The following SPDYE16 variants were observed in gnomAD, a reference collection of about 807,000 sequenced individuals.
SPDYE16 encodes the protein speedy/RINGO cell cycle regulator family member E16, also known as speedy protein E16.
SPDYE16 carries 5 observed loss-of-function variants against 40.1 expected under a neutral mutation model. That is an observed-to-expected ratio of 0.12 (90% CI 0.07 to 0.26). The LOEUF is 0.26. SPDYE16 is among the 10% of genes least tolerant of loss of function. The probability of loss-of-function intolerance (pLI) is 1.00; values close to 1 mark genes in which losing one functional copy is unlikely to be tolerated. For synonymous variants in SPDYE16, 40 were observed against 154.2 expected, an observed-to-expected ratio of 0.26 and a Z score of 5.49; for missense variants, 98 against 409.8, an observed-to-expected ratio of 0.24 and a Z score of 6.57.
intron 1 of SPDYE16, among the ~76,000 whole-genome samples, 63 bp downstream of exon 1, chr7:76,543,113 C>T (rs3869212): frequency 6.7e-6 from 1 of 148,618 alleles, no homozygotes; most frequent in Middle Eastern, 3.3e-3. Flanking sequence ...GAGCCAAGAT[C>T]GCACCATTGT....
At position 76,541,604 on chromosome 7, in the gene SPDYE16, A is replaced by G. The variant is rs1289052820; in HGVS notation, c.-145T>C. The G allele has an allele frequency of 5.1e-6, 7 of 1,384,118 alleles. No individual in the cohort carries two copies. Among genetic ancestry groups the G allele is most frequent in the Non-Finnish European group, 6.7e-6 (7 of 1,049,472 alleles). The allele number at this position is 1,384,118 out of a possible 1,614,324, so 85.7% of individuals were successfully genotyped here. A position where few individuals can be genotyped will look rare whatever the true frequency, so the allele number is the denominator to read the frequency against. ...ACCACGGAGTCCGGTCCCTCCAATC[A>G]GGAAGGTCGGAATCTCTGATGTCAT... On this transcript the variant is annotated 5_prime_UTR_variant, in exon 2 of 9. Transcript: ENST00000633306.
chr7:76,542,932 G>T (rs1353958018), intron 1 of SPDYE16, among the ~76,000 whole-genome samples: 28 of 151,716 alleles, frequency 1.8e-4, no homozygotes, highest in African/African-American at 6.5e-4. Flanking sequence ...GCCAAAGTGG[G>T]TGGATCACTT....
At chr7:76,533,568 G>A (rs1420026064) in intron 8 of SPDYE16, 81 bp downstream of exon 8, 1 of 913,304 alleles carries the variant, frequency 1.1e-6, no homozygotes, top group Non-Finnish European at 1.4e-6. Flanking sequence ...CAGGCTTGAA[G>A]CCGGATCAAG....
chr7:76,540,337 AC>A lies in SPDYE16; in HGVS notation c.169del (p.Val57Ter). 6.3e-7 allele frequency: 1 copy of A among 1,590,480 alleles called. No homozygotes were observed. Among genetic ancestry groups the A allele is most frequent in the South Asian group, 1.1e-5 (1 of 90,368 alleles). On this transcript the variant is annotated frameshift_variant, in exon 3 of 9. Transcript: ENST00000633306. LOFTEE classifies it high-confidence loss of function. ...DEVLGSSAPG[V>X]DPSPPCRSLG... ...GGACCTACATGGGGGGCTGGGATCT[AC>A]CCCAGGGGCTGAGTAAAGAAACCAG...
In SPDYE16 at chr7:76,541,573, C is replaced by T; in HGVS notation, c.-114G>A. 1 of 1,478,958 alleles carries T rather than the reference C, an allele frequency of 6.8e-7. No homozygotes were observed. The allele number at this position is 1,478,958 out of a possible 1,614,324, so 91.6% of individuals were successfully genotyped here. A position where few individuals can be genotyped will look rare whatever the true frequency, so the allele number is the denominator to read the frequency against. On this transcript the variant is annotated 5_prime_UTR_variant, in exon 2 of 9. The change creates a premature stop within an existing upstream ORF in the 5' untranslated region. Coordinates refer to ENST00000633306, the MANE Select transcript of SPDYE16 (RefSeq NM_001394943.1). Reference sequence around the variant, plus strand: ...GAAGATACTGTTGTCCAACTGATCTCCAGGCACCACGGAGTCCGGTCCCTC... The same window carrying T: ...GAAGATACTGTTGTCCAACTGATCTTCAGGCACCACGGAGTCCGGTCCCTC...
rs1164285931 is a variant in SPDYE16, at chr7:76,534,225, C to G, written c.756-106G>C. 1.3e-3 allele frequency: 1,583 copies of G among 1,207,162 alleles called. 7 individuals are homozygous for G. The highest frequency in any genetic ancestry group is 5.3e-3 in the Middle Eastern group (18 of 3,366). 74.8% of individuals were successfully genotyped at this position (1,207,162 alleles called of 1,614,324 possible). A position where few individuals can be genotyped will look rare whatever the true frequency, so the allele number is the denominator to read the frequency against. ...GTAAGGGACCGTCCCTAGCTCAGGA[C>G]TGGCACCCACCCTGCAGAGAGCCAC... is the stretch of plus-strand genomic sequence containing the variant. On this transcript the variant is annotated intron_variant, in intron 6 of 8. Coordinates refer to ENST00000633306, the MANE Select transcript of SPDYE16 (RefSeq NM_001394943.1).
At position 76,541,406 on chromosome 7, in the gene SPDYE16, G is replaced by A. The variant is rs1281783527; in HGVS notation, c.54C>T (p.Ile18=). 8.5e-6 allele frequency: 13 copies of A among 1,534,662 alleles called. No individual in the cohort carries two copies. Among genetic ancestry groups the A allele is most frequent in the Non-Finnish European group, 3.5e-6 (4 of 1,146,618 alleles). ...GGGGGTGAGGTTGACGGCTGGTCGT[G>A]ATCTTTCCCTTAATCTGTCCCCTCT... ...FRKRGQIKGK[I]TTSRQPHPQN... is the part of the protein sequence containing the mutation. The change falls in exon 2 of 9, where the codon ATC becomes ATT. Residue 18 remains isoleucine (I), a synonymous_variant. Transcript: ENST00000633306.
intron 4 of SPDYE16, 87 bp downstream of exon 4, chr7:76,538,499 T>C (rs1235345254): frequency 1.2e-6 from 1 of 809,978 alleles, no homozygotes; most frequent in African/African-American, 2.3e-5. Context: ...TGGGGCATAT[T>C]TTTCCCATTG....
In SPDYE16 at chr7:76,541,404, G is replaced by T. The variant is rs1223358254; in HGVS notation, c.56C>A (p.Thr19Lys). The stretch of plus-strand genomic sequence containing the variant: ...CTGGGGGTGAGGTTGACGGCTGGTC[G>T]TGATCTTTCCCTTAATCTGTCCCCT... ...RKRGQIKGKI[T>K]TSRQPHPQNE... The change falls in exon 2 of 9, where the codon ACG becomes AAG. Residue 19 changes from threonine to lysine, a missense_variant. Coordinates refer to ENST00000633306, the MANE Select transcript of SPDYE16 (RefSeq NM_001394943.1). 8.5e-6 allele frequency: 13 copies of T among 1,534,632 alleles called. No individual in the cohort carries two copies. Among genetic ancestry groups the T allele is most frequent in the Non-Finnish European group, 1.1e-5 (13 of 1,146,608 alleles).
In SPDYE16 at chr7:76,540,620, C is replaced by T; in HGVS notation, c.161-274G>A. Reference sequence around the variant, plus strand: ...TTTTTTGTTTTGTTTTGTTTTGACACAGAATCTTGCTTTGTCACCCAGGCT... The same window carrying T: ...TTTTTTGTTTTGTTTTGTTTTGACATAGAATCTTGCTTTGTCACCCAGGCT... On this transcript the variant is annotated intron_variant, in intron 2 of 8. Transcript: ENST00000633306. 4.7e-6 allele frequency: 5 copies of T among 1,074,898 alleles called. 2 individuals are homozygous for T. Among genetic ancestry groups the T allele is most frequent in the Non-Finnish European group, 5.9e-6 (5 of 843,006 alleles). 66.6% of individuals were successfully genotyped at this position (1,074,898 alleles called of 1,614,324 possible).
chr7:76,542,091 A>T (rs1282414271), intron 1 of SPDYE16, among the ~76,000 whole-genome samples: 3 of 152,154 alleles, frequency 2.0e-5, no homozygotes, highest in Non-Finnish European at 4.4e-5. Context: ...TATCATGTAC[A>T]AGAGTGAGAT....
chr7:76,542,826 TAA>T (rs1308180716), intron 1 of SPDYE16, among the ~76,000 whole-genome samples: 1 of 148,584 alleles, frequency 6.7e-6, no homozygotes, highest in Non-Finnish European at 1.5e-5. Flanking sequence ...TGATAAAAAA[TAA>T]AAGAGTTACA....
At chr7:76,535,728 A>C (rs1813026797) in intron 6 of SPDYE16, among the ~76,000 whole-genome samples, 1 of 56,144 alleles carries the variant, frequency 1.8e-5, no homozygotes, top group Admixed American at 1.7e-4. Flanking sequence ...TTTTGAGAAA[A>C]AGTCTCACTC....
chr7:76,541,278 C>T (rs1337330026), intron 2 of SPDYE16, 22 bp downstream of exon 2: 84 of 1,533,300 alleles, frequency 5.5e-5, no homozygotes, highest in East Asian at 2.2e-4. Context: ...TATCCCACCT[C>T]TTCTTCCACC....
intron 2 of SPDYE16, chr7:76,540,552 T>G: frequency 8.3e-7 from 1 of 1,210,718 alleles, no homozygotes; most frequent in Non-Finnish European, 1.1e-6. Context: ...CTCCGAACAC[T>G]GCTTCATGTC....
At chr7:76,542,029 AGAGT>A (rs1444919408) in intron 1 of SPDYE16, among the ~76,000 whole-genome samples, 149 bp from the exon 2 acceptor site, 1 of 149,526 alleles carries the variant, frequency 6.7e-6, no homozygotes, top group Non-Finnish European at 1.5e-5. Context: ...ATCATGTACA[AGAGT>A]GAGATTATCA....
At position 76,539,013 on chromosome 7, in the gene SPDYE16, G is replaced by T. The variant is rs1390780240; in HGVS notation, c.380-197C>A. Among the ~76,000 whole-genome samples, 2 of 75,718 alleles carry T rather than the reference G, an allele frequency of 2.6e-5. 1 individual carries two copies. Among genetic ancestry groups the T allele is most frequent in the African/African-American group, 1.5e-4 (2 of 13,046 alleles). 49.7% of individuals were successfully genotyped at this position (75,718 alleles called of 152,430 possible). ...CTCCTCCCCATTCTCCCGTTTCTCT[G>T]TCCTCAGAACACTTCCTCATATCCT... On this transcript the variant is annotated intron_variant, in intron 3 of 8. Transcript: ENST00000633306.
Position 76,540,639 on chromosome 7 carries a change from C to A in SPDYE16, c.161-293G>T. The A allele has an allele frequency of 2.3e-6, 2 of 867,956 alleles. 1 individual carries two copies. The highest frequency in any genetic ancestry group is 3.0e-6 in the Non-Finnish European group (2 of 665,342). The allele number at this position is 867,956 out of a possible 1,614,324, so 53.8% of individuals were successfully genotyped here. A position where few individuals can be genotyped will look rare whatever the true frequency, so the allele number is the denominator to read the frequency against. On this transcript the variant is annotated intron_variant, in intron 2 of 8. Coordinates refer to ENST00000633306, the MANE Select transcript of SPDYE16 (RefSeq NM_001394943.1). The stretch of plus-strand genomic sequence containing the variant: ...TTGACACAGAATCTTGCTTTGTCAC[C>A]CAGGCTGGAGTGTAGTGGTGCAATC...
chr7:76,541,493 A>G lies in SPDYE16; in HGVS notation c.-34T>C, dbSNP rs1813184182. The G allele has an allele frequency of 6.5e-7, 1 of 1,533,242 alleles. No individual in the cohort carries two copies. Among genetic ancestry groups the G allele is most frequent in the Admixed American group, 2.0e-5 (1 of 50,768 alleles). 95.0% of individuals were successfully genotyped at this position (1,533,242 alleles called of 1,614,324 possible). A position where few individuals can be genotyped will look rare whatever the true frequency, so the allele number is the denominator to read the frequency against. On this transcript the variant is annotated 5_prime_UTR_variant, in exon 2 of 9. Coordinates refer to ENST00000633306, the MANE Select transcript of SPDYE16 (RefSeq NM_001394943.1). ...TCTGGACACTGCTAGGATCCAGAAG[A>G]GTATGTTATCAATTCTCAAGCCTAG...
Sources: gnomAD v4.1 joint callset for allele counts (sites outside exome capture counted in the v4.1 genomes callset) on GRCh38, gnomAD v4.1.1 for gene constraint, MANE v1.5 for transcripts, NCBI Gene and HGNC (gene_info 2026-07-23, HGNC 2026-07-21) for gene names.